The following HSPA4 variants were observed in gnomAD, a reference collection of about 807,000 sequenced individuals.
The protein encoded by HSPA4 is heat shock 70 kDa protein 4.
HSPA4 carries 25 observed loss-of-function variants against 106.2 expected under a neutral mutation model. The observed-to-expected ratio is 0.24, with a 90% CI of 0.17 to 0.33. The LOEUF (loss-of-function observed/expected upper bound fraction) is 0.33, where lower values mean the gene tolerates loss of function less well. Among genes scored for constraint, HSPA4 ranks in the 10% least tolerant of loss-of-function variants. HSPA4 has a pLI of 1.00. For missense variants in HSPA4, 841 were observed against 996.0 expected (o/e 0.84, Z 2.10); for synonymous variants, 332 against 333.6 (o/e 1.00, Z 0.05).
At chr5:133,072,392 G>GTTTTTTTTTTTTTT (rs748459297) in intron 4 of HSPA4, among the ~76,000 whole-genome samples, 20 of 75,726 alleles carry the variant, frequency 2.6e-4, no homozygotes, top group African/African-American at 9.5e-4. Context: ...GTCCAGGGTT[G>GTTTTTTTTTTTTTT]TTTTTTTTTT....
At position 133,104,321 on chromosome 5, in the gene HSPA4, A is replaced by G. The variant is rs1765827629; in HGVS notation, c.2408A>G (p.Asn803Ser). Residue 803 changes from asparagine to serine, a missense_variant, in exon 19 of 19, where the codon AAT (asparagine) becomes AGT (serine). Physicochemically the swap from Asn to Ser is conservative, Grantham distance 46. Transcript: ENST00000304858. ...PKEEQKNAEQ[N>S]GPVDGQGDNP... ...GAGGAACAAAAAAATGCAGAGCAGA[A>G]TGGACCAGTGGATGGACAAGGAGAC... 1 of 1,614,258 alleles carries G rather than the reference A, an allele frequency of 6.2e-7. No individual in the cohort carries two copies. Among genetic ancestry groups the G allele is most frequent in the Non-Finnish European group, 8.5e-7 (1 of 1,180,038 alleles).
chr5:133,076,620 T>G (rs1238253849), intron 6 of HSPA4, 34 bp from the exon 7 acceptor site: 1 of 1,591,020 alleles, frequency 6.3e-7, no homozygotes, highest in Admixed American at 1.7e-5. Flanking sequence ...ATCGATTGGT[T>G]AATTGTTAGA....
intron 1 of HSPA4, among the ~76,000 whole-genome samples, chr5:133,053,219 T>G (rs1765105190): frequency 6.6e-6 from 1 of 152,214 alleles, no homozygotes. Flanking sequence ...TTTCACTGGT[T>G]ACAGTGTCTG....
intron 7 of HSPA4, among the ~76,000 whole-genome samples, chr5:133,077,138 A>G (rs1293428049): frequency 1.3e-5 from 2 of 152,214 alleles, no homozygotes; most frequent in East Asian, 1.9e-4. Flanking sequence ...AGTTCTTTAC[A>G]TATGCATTTG....
intron 16 of HSPA4, among the ~76,000 whole-genome samples, chr5:133,100,174 A>G (rs541688356): frequency 2.1e-5 from 3 of 143,288 alleles, no homozygotes; most frequent in African/African-American, 7.8e-5. Context: ...GGGGATTCTC[A>G]TGCTTCAGCC....
At chr5:133,075,813 G>C (rs978535089) in intron 6 of HSPA4, among the ~76,000 whole-genome samples, 1 of 151,956 alleles carries the variant, frequency 6.6e-6, no homozygotes, top group African/African-American at 2.4e-5. Context: ...CTGGGCAACA[G>C]AGTGAGACCC....
At chr5:133,092,631 C>G in intron 12 of HSPA4, 69 bp from the exon 13 acceptor site, 1 of 1,016,770 alleles carries the variant, frequency 9.8e-7, no homozygotes, top group Non-Finnish European at 1.5e-6. Context: ...AACTATGTGA[C>G]TTTGTCAATG....
chr5:133,085,584 C>T (rs1041826806), intron 7 of HSPA4, among the ~76,000 whole-genome samples: 13 of 151,712 alleles, frequency 8.6e-5, no homozygotes, highest in African/African-American at 1.9e-4. Flanking sequence ...TGCTTGAACC[C>T]GGAAGGTGGA....
chr5:133,103,731 C>T (rs1765818988), intron 17 of HSPA4, 134 bp from the exon 18 acceptor site: 1 of 679,518 alleles, frequency 1.5e-6, no homozygotes, highest in South Asian at 2.2e-5. Context: ...TAATTCTGTT[C>T]AGATTGTGAG....
intron 13 of HSPA4, among the ~76,000 whole-genome samples, chr5:133,094,232 A>T (rs1765684161): frequency 6.6e-6 from 1 of 152,146 alleles, no homozygotes; most frequent in African/African-American, 2.4e-5. Flanking sequence ...TCATGTTTAA[A>T]TTTTTTTATC....
At chr5:133,078,839 T>G (rs1054120957) in intron 7 of HSPA4, among the ~76,000 whole-genome samples, 2 of 151,930 alleles carry the variant, frequency 1.3e-5, no homozygotes, top group Non-Finnish European at 2.9e-5. Flanking sequence ...GCTCAAGTGA[T>G]CCTCCTGCCT....
At chr5:133,077,339 G>A (rs757801545) in intron 7 of HSPA4, among the ~76,000 whole-genome samples, 2 of 152,124 alleles carry the variant, frequency 1.3e-5, no homozygotes, top group Admixed American at 6.6e-5. Flanking sequence ...CCAGGTTCAA[G>A]CGATTCTCCT....
chr5:133,079,464 G>A (rs970877383), intron 7 of HSPA4, among the ~76,000 whole-genome samples: 7 of 152,134 alleles, frequency 4.6e-5, no homozygotes, highest in Non-Finnish European at 1.0e-4. Flanking sequence ...TTCTGTATCA[G>A]TACTTAATTT....
intron 7 of HSPA4, among the ~76,000 whole-genome samples, chr5:133,085,716 G>A (rs1765571040): frequency 6.6e-6 from 1 of 151,506 alleles, no homozygotes; most frequent in Non-Finnish European, 1.5e-5. Flanking sequence ...CAATAAAACA[G>A]TCAGTTACCT....
At chr5:133,103,284 T>C (rs1765812232) in intron 17 of HSPA4, among the ~76,000 whole-genome samples, 1 of 152,010 alleles carries the variant, frequency 6.6e-6, no homozygotes, top group South Asian at 2.1e-4. Context: ...CTTGAAGTCA[T>C]GAGCTTAAGC....
chr5:133,077,733 T>G (rs1334939160), intron 7 of HSPA4, among the ~76,000 whole-genome samples: 2 of 152,186 alleles, frequency 1.3e-5, no homozygotes, highest in Non-Finnish European at 2.9e-5. Context: ...CTGGTAGAAT[T>G]CAGGCAAGAC....
chr5:133,073,124 G>C, intron 4 of HSPA4, 106 bp from the exon 5 acceptor site: 1 of 637,534 alleles, frequency 1.6e-6, no homozygotes, highest in Non-Finnish European at 2.7e-6. Flanking sequence ...ATATTTTCTT[G>C]ATCATATACA....
At chr5:133,059,437 G>C (rs1202387062) in intron 1 of HSPA4, among the ~76,000 whole-genome samples, 9 of 143,002 alleles carry the variant, frequency 6.3e-5, no homozygotes, top group African/African-American at 2.4e-4. Flanking sequence ...ACAAGAGTGA[G>C]ACTTTGTCTC....
intron 1 of HSPA4, among the ~76,000 whole-genome samples, chr5:133,054,231 C>G (rs1765130135): frequency 6.6e-6 from 1 of 151,928 alleles, no homozygotes; most frequent in African/African-American, 2.4e-5. Flanking sequence ...GAAAAGGAGT[C>G]TTACTCTGTT....
Sources: gnomAD v4.1 joint callset for allele counts (sites outside exome capture counted in the v4.1 genomes callset) on GRCh38, gnomAD v4.1.1 for gene constraint, MANE v1.5 for transcripts, NCBI Gene and HGNC (gene_info 2026-07-23, HGNC 2026-07-21) for gene names.